The following SPOCK3 variants were observed in gnomAD, a reference collection of about 807,000 sequenced individuals.
The protein encoded by SPOCK3 is SPARC (osteonectin), cwcv and kazal like domains proteoglycan 3.
Under a neutral mutation model 56.6 loss-of-function variants are expected in SPOCK3, and 30 were observed. The observed-to-expected ratio is 0.53, with a 90% CI of 0.40 to 0.72. The LOEUF is 0.72. Ranked by LOEUF, SPOCK3 falls within the 30% of genes least tolerant of loss-of-function variation. The pLI is 0.00. For missense variants in SPOCK3, 527 were observed against 530.0 expected, an observed-to-expected ratio of 0.99 and a Z score of 0.06; for synonymous variants, 196 against 183.3, an observed-to-expected ratio of 1.07 and a Z score of -0.56.
intron 6 of SPOCK3, among the ~76,000 whole-genome samples, chr4:166,802,623 G>T (rs1387131601): frequency 1.3e-5 from 2 of 151,932 alleles, no homozygotes; most frequent in African/African-American, 2.4e-5. Flanking sequence ...CCTCCCACAG[G>T]TCCCACCTCC....
chr4:166,957,817 C>T (rs1395121965), intron 4 of SPOCK3, among the ~76,000 whole-genome samples: 1 of 152,100 alleles, frequency 6.6e-6, no homozygotes, highest in East Asian at 1.9e-4. Context: ...TATCCAATGT[C>T]TATGCCCTCA....
intron 4 of SPOCK3, among the ~76,000 whole-genome samples, chr4:166,995,094 A>G (rs1457356294): frequency 6.6e-6 from 1 of 152,128 alleles, no homozygotes; most frequent in Non-Finnish European, 1.5e-5. Flanking sequence ...CACAATGGCC[A>G]GGTTCAGTGT....
intron 5 of SPOCK3, 69 bp downstream of exon 5, chr4:166,912,551 A>T: frequency 7.1e-7 from 1 of 1,407,546 alleles, no homozygotes; most frequent in South Asian, 1.2e-5. Flanking sequence ...TGGATAAGCA[A>T]TGGTTTTAAT....
intron 2 of SPOCK3, among the ~76,000 whole-genome samples, chr4:167,220,679 A>T (rs1196825229): frequency 2.6e-5 from 4 of 151,666 alleles, no homozygotes; most frequent in Non-Finnish European, 5.9e-5. Context: ...GAGCCATCCC[A>T]CCCAGCCTAG....
intron 3 of SPOCK3, among the ~76,000 whole-genome samples, chr4:167,015,945 A>G (rs1206943871): frequency 1.3e-5 from 2 of 152,180 alleles, no homozygotes; most frequent in African/African-American, 4.8e-5. Flanking sequence ...CTAATATGCC[A>G]AAGTGCCTAA....
At chr4:166,743,448 A>T (rs1318469744) in intron 8 of SPOCK3, among the ~76,000 whole-genome samples, 2 of 152,060 alleles carry the variant, frequency 1.3e-5, no homozygotes, top group Non-Finnish European at 2.9e-5. Flanking sequence ...ATCTAAAAAA[A>T]AATTCATCTT....
intron 2 of SPOCK3, among the ~76,000 whole-genome samples, chr4:167,151,436 T>C (rs1175752213): frequency 5.6e-3 from 2 of 354 alleles, no homozygotes; most frequent in Non-Finnish European, 0.059. Context: ...CTTTTTTTTC[T>C]TTTTTTTTTT....
At position 167,000,450 on chromosome 4, in the gene SPOCK3, A is replaced by G; in HGVS notation, c.249T>C (p.Ala83=). ...GKPFDQALDP[A]KDPCLKMKCS... is the part of the protein sequence containing the mutation. ...ATTTCATCTTTAAGCATGGATCCTT[A>G]GCTGGATCTAAAGCTAAAAAAATTG... The change falls in exon 4 of 11, where the codon GCT becomes GCC. Residue 83 remains alanine (A), a synonymous_variant. Transcript: ENST00000357545. 1 of 1,580,480 alleles carries G rather than the reference A, an allele frequency of 6.3e-7. No homozygotes were observed. Among genetic ancestry groups the G allele is most frequent in the African/African-American group, 1.4e-5 (1 of 73,736 alleles).
intron 2 of SPOCK3, among the ~76,000 whole-genome samples, chr4:167,212,839 T>C (rs1314790562): frequency 6.6e-6 from 1 of 152,200 alleles, no homozygotes; most frequent in East Asian, 1.9e-4. Context: ...TAGAAAATTA[T>C]ACTCTAGGGT....
intron 2 of SPOCK3, among the ~76,000 whole-genome samples, chr4:167,149,952 C>T (rs964053697): frequency 6.6e-6 from 1 of 152,074 alleles, no homozygotes. Context: ...GGTTACTTCT[C>T]TAAGCTTCAG....
At chr4:166,749,967 A>T (rs1389250176) in intron 8 of SPOCK3, among the ~76,000 whole-genome samples, 1 of 152,108 alleles carries the variant, frequency 6.6e-6, no homozygotes. Context: ...AGGATTTCTA[A>T]TGTCTACTTG....
intron 2 of SPOCK3, among the ~76,000 whole-genome samples, chr4:167,117,734 G>A (rs1226086072): frequency 6.6e-6 from 1 of 152,154 alleles, no homozygotes; most frequent in African/African-American, 2.4e-5. Flanking sequence ...CAGTTATCCT[G>A]AGAACTGATG....
intron 4 of SPOCK3, among the ~76,000 whole-genome samples, chr4:166,975,045 C>T (rs1377877277): frequency 6.6e-6 from 1 of 152,042 alleles, no homozygotes; most frequent in Non-Finnish European, 1.5e-5. Context: ...CATAAACAGC[C>T]AGTTTAGGCT....
intron 6 of SPOCK3, among the ~76,000 whole-genome samples, chr4:166,839,491 A>C (rs1408522007): frequency 6.6e-6 from 1 of 152,092 alleles, no homozygotes; most frequent in African/African-American, 2.4e-5. Context: ...AGAAGAGGGC[A>C]AAAAAGGCTG....
chr4:166,928,268 T>C (rs1323114966), intron 4 of SPOCK3, among the ~76,000 whole-genome samples: 1 of 152,198 alleles, frequency 6.6e-6, no homozygotes, highest in African/African-American at 2.4e-5. Context: ...ACACAAAAGC[T>C]TGCAGACAGA....
At chr4:167,004,745 T>A (rs1749299603) in intron 3 of SPOCK3, among the ~76,000 whole-genome samples, 1 of 151,938 alleles carries the variant, frequency 6.6e-6, no homozygotes, top group South Asian at 2.1e-4. Flanking sequence ...GGGAAATTGG[T>A]CGAAATAAAA....
intron 6 of SPOCK3, among the ~76,000 whole-genome samples, chr4:166,842,013 G>A (rs1406308408): frequency 1.3e-5 from 2 of 152,190 alleles, no homozygotes; most frequent in Non-Finnish European, 2.9e-5. Context: ...GAGTGAAGCT[G>A]CAGACCTTCT....
chr4:166,889,836 A>T (rs1038270850), intron 5 of SPOCK3, among the ~76,000 whole-genome samples: 3 of 152,124 alleles, frequency 2.0e-5, no homozygotes, highest in Middle Eastern at 3.4e-3. Flanking sequence ...CAAACATAGC[A>T]CCATAGCTCA....
At chr4:166,768,930 AT>A (rs1275838147) in intron 7 of SPOCK3, among the ~76,000 whole-genome samples, 5 of 152,002 alleles carry the variant, frequency 3.3e-5, no homozygotes, top group Non-Finnish European at 4.4e-5. Context: ...ACTTCATTTC[AT>A]TCATTTGATC....
Sources: allele counts gnomAD v4.1 joint callset (sites outside exome capture counted in the v4.1 genomes callset), GRCh38; gene constraint gnomAD v4.1.1; transcripts MANE v1.5; gene names NCBI Gene and HGNC (gene_info 2026-07-23, HGNC 2026-07-21).